Variants in CHN1 observed in about 807,000 individuals in gnomAD.
The protein encoded by CHN1 is chimerin 1, also known as N-chimaerin.
A neutral mutation model predicts 59.5 loss-of-function variants in CHN1; 37 were observed. The observed-to-expected ratio is 0.62, with a 90% confidence interval of 0.48 to 0.82. The LOEUF (loss-of-function observed/expected upper bound fraction) is 0.82. CHN1 is among the 40% of genes least tolerant of loss of function. The probability of loss-of-function intolerance (pLI) is 0.00; values close to 1 mark genes in which losing one functional copy is unlikely to be tolerated. For missense variants in CHN1, 469 were observed against 571.0 expected (o/e 0.82, Z 1.82); for synonymous variants, 206 against 200.4 (o/e 1.03, Z -0.24).
chr2:174,867,812 T>C (rs776703560), intron 6 of CHN1, among the ~76,000 whole-genome samples: 2 of 152,208 alleles, frequency 1.3e-5, no homozygotes, highest in Non-Finnish European at 2.9e-5. Flanking sequence ...GAAGAAACAT[T>C]CCTTGCCCCC....
intron 3 of CHN1, among the ~76,000 whole-genome samples, chr2:174,939,944 T>C (rs1225104913): frequency 1.3e-5 from 2 of 152,226 alleles, no homozygotes; most frequent in East Asian, 1.9e-4. Flanking sequence ...CAAAGCTATA[T>C]TGTGTTTTAA....
At chr2:174,862,275 T>C (rs950198139) in intron 6 of CHN1, among the ~76,000 whole-genome samples, 2 of 152,136 alleles carry the variant, frequency 1.3e-5, no homozygotes, top group Non-Finnish European at 2.9e-5. Flanking sequence ...GTTGGTTTCA[T>C]TTTTCAGGGT....
intron 1 of CHN1, among the ~76,000 whole-genome samples, chr2:174,981,369 A>G (rs895294027): frequency 6.6e-6 from 1 of 152,208 alleles, no homozygotes; most frequent in Non-Finnish European, 1.5e-5. Flanking sequence ...AAGCTACTGT[A>G]TCATCACAGA....
chr2:174,800,525 G>A (rs1162949673), intron 12 of CHN1, among the ~76,000 whole-genome samples: 1 of 152,226 alleles, frequency 6.6e-6, no homozygotes, highest in Non-Finnish European at 1.5e-5. Context: ...GTGCTGCACT[G>A]TATGGATTCA....
At chr2:174,910,289 A>G (rs1007432895) in intron 5 of CHN1, among the ~76,000 whole-genome samples, 2 of 152,214 alleles carry the variant, frequency 1.3e-5, no homozygotes, top group African/African-American at 4.8e-5. Context: ...GAAGTATTTT[A>G]TGTCAAAGGG....
intron 6 of CHN1, among the ~76,000 whole-genome samples, chr2:174,866,153 A>G (rs1021250629): frequency 6.6e-6 from 1 of 152,206 alleles, no homozygotes; most frequent in African/African-American, 2.4e-5. Context: ...TTTATGTAAA[A>G]CAAATCTCAA....
chr2:174,838,659 A>AACGGGGG (rs1686179867), intron 7 of CHN1, among the ~76,000 whole-genome samples: 1 of 152,136 alleles, frequency 6.6e-6, no homozygotes, highest in Non-Finnish European at 1.5e-5. Context: ...ACATGTCTCA[A>AACGGGGG]ACGGGGGAAA....
chr2:174,841,555 T>C (rs537682316), intron 7 of CHN1, among the ~76,000 whole-genome samples: 1 of 152,352 alleles, frequency 6.6e-6, no homozygotes, highest in African/African-American at 2.4e-5. Context: ...TGATCTGCGC[T>C]ATTTTTGTCT....
chr2:174,965,385 C>T (rs1428349051), intron 1 of CHN1, among the ~76,000 whole-genome samples: 1 of 151,970 alleles, frequency 6.6e-6, no homozygotes, highest in African/African-American at 2.4e-5. Flanking sequence ...AAGTTTAAAC[C>T]TGCTTAACGT....
intron 6 of CHN1, among the ~76,000 whole-genome samples, chr2:174,849,198 T>G (rs1686645720): frequency 6.6e-6 from 1 of 152,214 alleles, no homozygotes; most frequent in South Asian, 2.1e-4. Flanking sequence ...GTTCTACAGC[T>G]ATAGTTACTA....
chr2:174,807,446 C>CTG (rs71031071), intron 11 of CHN1, among the ~76,000 whole-genome samples: 4,325 of 83,742 alleles, frequency 0.052, 321 homozygotes, highest in Middle Eastern at 0.073. Context: ...CACGGGCTAT[C>CTG]TGTGTGTGTG....
At chr2:174,993,604 A>G (rs1691618394) in intron 1 of CHN1, among the ~76,000 whole-genome samples, 1 of 151,420 alleles carries the variant, frequency 6.6e-6, no homozygotes, top group Non-Finnish European at 1.5e-5. Flanking sequence ...ACAGTGCTTG[A>G]GAGGGTACCA....
intron 1 of CHN1, among the ~76,000 whole-genome samples, chr2:174,953,617 C>A (rs1402091390): frequency 6.6e-6 from 1 of 152,124 alleles, no homozygotes; most frequent in African/African-American, 2.4e-5. Context: ...CTCTGCTATA[C>A]ACCAACTGTG....
At chr2:174,892,595 A>C (rs1688087296) in intron 5 of CHN1, among the ~76,000 whole-genome samples, 3 of 152,218 alleles carry the variant, frequency 2.0e-5, no homozygotes, top group African/African-American at 7.2e-5. Flanking sequence ...GACAGGAAGG[A>C]ATATTTCCAA....
intron 1 of CHN1, among the ~76,000 whole-genome samples, chr2:174,961,574 A>G (rs1191903593): frequency 1.3e-5 from 2 of 152,010 alleles, no homozygotes; most frequent in Non-Finnish European, 2.9e-5. Flanking sequence ...CTGGGCAAAA[A>G]GAGTGAAACT....
At chr2:175,002,968 TGG>T (rs1334384774) in intron 1 of CHN1, among the ~76,000 whole-genome samples, 1 of 152,234 alleles carries the variant, frequency 6.6e-6, no homozygotes, top group Non-Finnish European at 1.5e-5. Context: ...TATTTTGTAT[TGG>T]GCGAGTTTGA....
chr2:174,944,465 C>A (rs1295876375), intron 3 of CHN1, among the ~76,000 whole-genome samples: 2 of 152,154 alleles, frequency 1.3e-5, no homozygotes, highest in Non-Finnish European at 2.9e-5. Context: ...CATATATTGT[C>A]ATACATCATA....
At chr2:174,912,773 T>C (rs576476994) in intron 5 of CHN1, among the ~76,000 whole-genome samples, 7 of 152,322 alleles carry the variant, frequency 4.6e-5, no homozygotes, top group African/African-American at 1.7e-4. Flanking sequence ...ATGTCAATCA[T>C]ATTTGGGCAC....
At chr2:174,945,565 T>C (rs1689803213) in intron 2 of CHN1, among the ~76,000 whole-genome samples, 1 of 152,188 alleles carries the variant, frequency 6.6e-6, no homozygotes, top group Admixed American at 6.5e-5. Context: ...AAAATTATAC[T>C]GATACCATGA....
Sources: allele counts gnomAD v4.1 joint callset (sites outside exome capture counted in the v4.1 genomes callset), GRCh38; gene constraint gnomAD v4.1.1; transcripts MANE v1.5; gene names NCBI Gene and HGNC (gene_info 2026-07-23, HGNC 2026-07-21).